Variants in YIPF7 observed in about 807,000 individuals in gnomAD.
YIPF7 encodes protein YIPF7.
A neutral mutation model predicts 27.2 loss-of-function variants in YIPF7; 35 were observed. That is an observed-to-expected ratio of 1.29 (90% CI 0.98 to 1.70). The LOEUF is 1.70. YIPF7 is among the 40% of genes most tolerant of loss of function. The probability of loss-of-function intolerance (pLI) is 0.00; values close to 1 mark genes in which losing one functional copy is unlikely to be tolerated. For synonymous variants in YIPF7, 137 were observed against 110.4 expected, an observed-to-expected ratio of 1.24 and a Z score of -1.51; for missense variants, 358 against 303.7, an observed-to-expected ratio of 1.18 and a Z score of -1.33.
At chr4:44,636,492 T>C (rs1713126025) in intron 2 of YIPF7, among the ~76,000 whole-genome samples, 2 of 152,202 alleles carry the variant, frequency 1.3e-5, no homozygotes, top group Non-Finnish European at 2.9e-5. Flanking sequence ...TTCTGAGCAG[T>C]GATCTGCTCG....
At chr4:44,653,173 A>G (rs950150230), upstream of YIPF7, among the ~76,000 whole-genome samples, 8 of 152,086 alleles carry the variant, frequency 5.3e-5, no homozygotes, top group African/African-American at 1.7e-4. Flanking sequence ...TAAAAAGCCA[A>G]TGTTGCTAGG....
chr4:44,655,215 T>C (rs1713856229), upstream of YIPF7, among the ~76,000 whole-genome samples: 1 of 152,064 alleles, frequency 6.6e-6, no homozygotes, highest in Non-Finnish European at 1.5e-5. Flanking sequence ...TTATAAATAC[T>C]GCATACTCAG....
intron 2 of YIPF7, among the ~76,000 whole-genome samples, chr4:44,638,081 G>C (rs114126846): frequency 4.6e-5 from 7 of 151,686 alleles, no homozygotes; most frequent in Non-Finnish European, 8.8e-5. Flanking sequence ...GCCAAGAAAC[G>C]TGAAAAAATG....
In YIPF7 at chr4:44,636,066, G is replaced by T; in HGVS notation, c.136C>A (p.Pro46Thr). 1 of 1,611,090 alleles carries T rather than the reference G, an allele frequency of 6.2e-7. No homozygotes were observed. The highest frequency in any genetic ancestry group is 1.1e-5 in the South Asian group (1 of 90,698). The stretch of plus-strand genomic sequence containing the variant: ...GATGGAACAAAGGAGGCAGGCTGAG[G>T]CTGCTCACCAGCTTGTTGTCTAGAA... ...GSRKQQAGEQ[P>T]QPASFVPSEM... Residue 46 changes from proline to threonine, a missense_variant, in exon 3 of 6, where the codon CCT becomes ACT. Transcript: ENST00000415895.
At chr4:44,632,895 C>T (rs1042267493) in intron 3 of YIPF7, among the ~76,000 whole-genome samples, 6 of 152,222 alleles carry the variant, frequency 3.9e-5, no homozygotes, top group Admixed American at 6.5e-5. Context: ...CCCCAATCCC[C>T]GGGCCGTGGA....
In YIPF7 at chr4:44,624,586, C is replaced by A; in HGVS notation, c.608+15G>T. On this transcript the variant is annotated intron_variant, in intron 5 of 5. Coordinates refer to ENST00000415895, the MANE Select transcript of YIPF7 (RefSeq NM_182592.3). Reference sequence around the variant, plus strand: ...ATTGTGCATGTGGGGTCATTGAGAGCACACAGACACTTACTGCAGTGAAAA... The same window carrying A: ...ATTGTGCATGTGGGGTCATTGAGAGAACACAGACACTTACTGCAGTGAAAA... The A allele has an allele frequency of 1.3e-6, 2 of 1,560,948 alleles. No individual in the cohort carries two copies. Among genetic ancestry groups the A allele is most frequent in the Non-Finnish European group, 1.7e-6 (2 of 1,154,698 alleles).
At chr4:44,653,068 A>T (rs902096446), upstream of YIPF7, among the ~76,000 whole-genome samples, 5 of 152,108 alleles carry the variant, frequency 3.3e-5, no homozygotes, top group African/African-American at 1.2e-4. Flanking sequence ...GATCTGATGG[A>T]TGATAATGAA....
chr4:44,632,523 T>G (rs2109582750), intron 3 of YIPF7, among the ~76,000 whole-genome samples: 1 of 152,272 alleles, frequency 6.6e-6, no homozygotes, highest in Non-Finnish European at 1.5e-5. Context: ...AGAGCAAAAT[T>G]TATCATTCTT....
intron 4 of YIPF7, among the ~76,000 whole-genome samples, chr4:44,627,115 T>C (rs1186871392): frequency 6.6e-6 from 1 of 152,160 alleles, no homozygotes; most frequent in African/African-American, 2.4e-5. Context: ...AGTGTTCTTC[T>C]GATTGCACTT....
chr4:44,637,310 G>A (rs547590486), intron 2 of YIPF7, among the ~76,000 whole-genome samples: 2 of 152,102 alleles, frequency 1.3e-5, no homozygotes, highest in East Asian at 3.9e-4. Context: ...TTAGTTCTTT[G>A]AGAAATCTTC....
In YIPF7 at chr4:44,624,618, G is replaced by T; in HGVS notation, c.591C>A (p.Ala197=). 3.8e-6 allele frequency: 6 copies of T among 1,592,384 alleles called. No homozygotes were observed. Among genetic ancestry groups the T allele is most frequent in the Non-Finnish European group, 5.1e-6 (6 of 1,170,368 alleles). Residue 197 remains alanine (A), a synonymous_variant, in exon 5 of 6, where the codon GCC becomes GCA. Transcript: ENST00000415895. ...ACACTTACTGCAGTGAAAAGAACAT[G>T]GCGCAACCAGACAGGATGACCATGG... ...LLPMVILSGC[A]MFFSLQGIFG...
chr4:44,642,058 GTAAGAC>G (rs1464155603), intron 2 of YIPF7, among the ~76,000 whole-genome samples: 2 of 152,122 alleles, frequency 1.3e-5, no homozygotes, highest in African/African-American at 4.8e-5. Flanking sequence ...CAATGTCTAA[GTAAGAC>G]TATGTCATTG....
chr4:44,650,012 G>A lies in YIPF7; in HGVS notation c.89C>T (p.Ala30Val). Reference sequence around the variant, plus strand: ...TCTAGATCCATAAAGATTTCCATAGGCATTAGAGTCATTACCACTCTGCTC... The same window carrying A: ...TCTAGATCCATAAAGATTTCCATAGACATTAGAGTCATTACCACTCTGCTC... ...NQEQSGNDSN[A>V]YGNLYGSRKQ... The change falls in exon 2 of 6, where the codon GCC (alanine) becomes GTC (valine). Residue 30 changes from alanine (A) to valine (V), a missense_variant. By Grantham distance (64) the Ala-to-Val change is moderately conservative. Coordinates refer to ENST00000415895, the MANE Select transcript of YIPF7 (RefSeq NM_182592.3). The A allele has an allele frequency of 6.3e-7, 1 of 1,578,034 alleles. No homozygotes were observed. Among genetic ancestry groups the A allele is most frequent in the Non-Finnish European group, 8.6e-7 (1 of 1,158,148 alleles).
Position 44,650,507 on chromosome 4 carries a change from G to GCGCACACACACACACA in YIPF7, c.-1-407_-1-406insTGTGTGTGTGTGTGCG, listed in dbSNP as rs6148421. 4.9e-3 allele frequency among the ~76,000 whole-genome samples: 671 copies of GCGCACACACACACACA among 137,112 alleles called. 3 individuals are homozygous for GCGCACACACACACACA. Among genetic ancestry groups the GCGCACACACACACACA allele is most frequent in the Non-Finnish European group, 4.9e-3 (311 of 62,840 alleles). 90.0% of individuals were successfully genotyped at this position (137,112 alleles called of 152,430 possible). On this transcript the variant is annotated intron_variant, in intron 1 of 5. Transcript: ENST00000415895. ...GGCGCACACACATGCGCGCGCGCGC[G>GCGCACACACACACACA]CACACACACACACACACACACACAC... is the stretch of plus-strand genomic sequence containing the variant.
intron 3 of YIPF7, among the ~76,000 whole-genome samples, chr4:44,633,059 T>C (rs551093207): frequency 6.6e-6 from 1 of 152,288 alleles, no homozygotes; most frequent in African/African-American, 2.4e-5. Context: ...TGAACCCTAT[T>C]ATGAACTGTG....
chr4:44,637,757 T>C (rs1016522274), intron 2 of YIPF7, among the ~76,000 whole-genome samples: 5 of 152,170 alleles, frequency 3.3e-5, no homozygotes, highest in African/African-American at 1.2e-4. Context: ...CCATCCTTTC[T>C]CTCGAGTCCC....
At chr4:44,650,507 G>GCGCGCGCACACACA (rs6148421) in intron 1 of YIPF7, among the ~76,000 whole-genome samples, 20 of 137,082 alleles carry the variant, frequency 1.5e-4, no homozygotes, top group Non-Finnish European at 2.9e-4. Context: ...GCGCGCGCGC[G>GCGCGCGCACACACA]CACACACACA....
At chr4:44,646,375 A>C (rs1419247088) in intron 2 of YIPF7, among the ~76,000 whole-genome samples, 1 of 152,164 alleles carries the variant, frequency 6.6e-6, no homozygotes, top group Non-Finnish European at 1.5e-5. Context: ...GTAATGCCTT[A>C]ACTGTGTTTG....
chr4:44,653,338 G>A (rs1371170196), upstream of YIPF7, among the ~76,000 whole-genome samples: 2 of 151,996 alleles, frequency 1.3e-5, no homozygotes, highest in Non-Finnish European at 2.9e-5. Flanking sequence ...TGATGATTCC[G>A]TATTAGTCAC....
Sources: gnomAD v4.1 joint callset for allele counts (sites outside exome capture counted in the v4.1 genomes callset) on GRCh38, gnomAD v4.1.1 for gene constraint, MANE v1.5 for transcripts, NCBI Gene and HGNC (gene_info 2026-07-23, HGNC 2026-07-21) for gene names.